Variants in OIT3 observed in about 807,000 individuals in gnomAD.
The protein encoded by OIT3 is oncoprotein-induced transcript 3 protein.
Under a neutral mutation model 52.2 loss-of-function variants are expected in OIT3, and 41 were observed. That is an observed-to-expected ratio of 0.79 (90% CI 0.61 to 1.02). The LOEUF is 1.02. Ranked by LOEUF, OIT3 falls within the 50% of genes least tolerant of loss-of-function variation. OIT3 has a pLI of 0.00. For synonymous variants in OIT3, 244 were observed against 276.9 expected, an observed-to-expected ratio of 0.88 and a Z score of 1.18; for missense variants, 634 against 715.5, an observed-to-expected ratio of 0.89 and a Z score of 1.30.
intron 6 of OIT3, among the ~76,000 whole-genome samples, chr10:72,914,068 G>A (rs957372850): frequency 6.6e-6 from 1 of 152,178 alleles, no homozygotes; most frequent in African/African-American, 2.4e-5. Flanking sequence ...CAAGACAAGT[G>A]GGACTTGGAT....
chr10:72,931,857 T>A (rs1199442586), intron 8 of OIT3, among the ~76,000 whole-genome samples: 2 of 152,222 alleles, frequency 1.3e-5, no homozygotes, highest in East Asian at 1.9e-4. Flanking sequence ...ATCCCAGCTA[T>A]ACCATGGTTA....
At chr10:72,906,407 G>C (rs1478043292) in intron 3 of OIT3, among the ~76,000 whole-genome samples, 189 bp from the exon 4 acceptor site, 1 of 152,190 alleles carries the variant, frequency 6.6e-6, no homozygotes, top group East Asian at 1.9e-4. Context: ...ACTCAGCAAA[G>C]GGCAGATGAA....
At chr10:72,924,141 A>C in intron 6 of OIT3, 88 bp from the exon 7 acceptor site, 1 of 1,158,500 alleles carries the variant, frequency 8.6e-7, no homozygotes, top group African/African-American at 1.5e-5. Context: ...TTTGAGGTAG[A>C]TAGAATGTTA....
chr10:72,894,079 C>T (rs1403850206), intron 1 of OIT3, among the ~76,000 whole-genome samples: 2 of 151,982 alleles, frequency 1.3e-5, no homozygotes, highest in Admixed American at 6.5e-5. Flanking sequence ...ATGGATCTGC[C>T]ATATCCCACA....
chr10:72,898,990 G>C lies in OIT3; in HGVS notation c.388G>C (p.Val130Leu), dbSNP rs749155163. The C allele has an allele frequency of 2.5e-6, 4 of 1,614,028 alleles. No homozygotes were observed. The highest frequency in any genetic ancestry group is 3.4e-6 in the Non-Finnish European group (4 of 1,179,936). ...EVKACPGGYY[V>L]YRLTKPSVCF... The stretch of plus-strand genomic sequence containing the variant: ...CAAGGCTTGCCCTGGAGGCTACTAT[G>C]TGTATCGTCTGACCAAGCCCAGCGT... The change falls in exon 2 of 9, where the codon GTG becomes CTG. Residue 130 changes from valine (V) to leucine (L), a missense_variant. Val to Leu is a conservative substitution (Grantham distance 32). Coordinates refer to ENST00000334011, the MANE Select transcript of OIT3 (RefSeq NM_152635.3).
chr10:72,927,307 T>A (rs1221788439), intron 7 of OIT3, among the ~76,000 whole-genome samples: 2 of 151,956 alleles, frequency 1.3e-5, no homozygotes, highest in African/African-American at 4.8e-5. Flanking sequence ...ACCCAACTGA[T>A]TTTTGTACTT....
chr10:72,896,172 CTT>C (rs1437791932), intron 1 of OIT3, among the ~76,000 whole-genome samples: 6 of 152,116 alleles, frequency 3.9e-5, no homozygotes, highest in Non-Finnish European at 8.8e-5. Flanking sequence ...GAAGGAAAAA[CTT>C]TATAAATAAG....
In OIT3 at chr10:72,930,811, C is replaced by T. The variant is rs564866316; in HGVS notation, c.1467+174C>T. On this transcript the variant is annotated intron_variant, in intron 8 of 8. Transcript: ENST00000334011. ...TTAACCCTTTCATGCATGTCACACCCGCCCTGCCTGCCAAAATAACTGTGC... is the reference window on the plus strand; with the variant it reads ...TTAACCCTTTCATGCATGTCACACCTGCCCTGCCTGCCAAAATAACTGTGC... 7.9e-5 allele frequency among the ~76,000 whole-genome samples: 12 copies of T among 151,984 alleles called. No individual in the cohort carries two copies. In the South Asian group the frequency reaches 8.4e-4, roughly 11 times the overall value.
chr10:72,897,270 C>T (rs1232980258), intron 1 of OIT3, among the ~76,000 whole-genome samples: 3 of 152,214 alleles, frequency 2.0e-5, no homozygotes, highest in East Asian at 1.9e-4. Flanking sequence ...GTGATCCACC[C>T]GCCTCGGCCC....
chr10:72,918,607 G>A (rs577466979), intron 6 of OIT3: 126 of 741,584 alleles, frequency 1.7e-4, no homozygotes, highest in Admixed American at 1.5e-3. Context: ...GAGAACAGCC[G>A]CACAGGACAG....
Position 72,932,834 on chromosome 10 carries a change from G to A in OIT3, c.*310G>A. ...AAATACCTCGTGTATGGTGCAATCA[G>A]ACCACAAAATCAGAAGCTGGGTATA... On this transcript the variant is annotated 3_prime_UTR_variant, in exon 9 of 9. Coordinates refer to ENST00000334011, the MANE Select transcript of OIT3 (RefSeq NM_152635.3). 3.8e-6 allele frequency: 1 copy of A among 260,506 alleles called. No individual in the cohort carries two copies. Among genetic ancestry groups the A allele is most frequent in the Non-Finnish European group, 7.2e-6 (1 of 138,810 alleles). 16.1% of individuals were successfully genotyped at this position (260,506 alleles called of 1,614,324 possible).
chr10:72,900,252 T>C (rs1205615968), intron 2 of OIT3, 125 bp from the exon 3 acceptor site: 2 of 610,958 alleles, frequency 3.3e-6, no homozygotes, highest in East Asian at 5.7e-5. Context: ...AGCCCAGGGG[T>C]TCGAGGCCAG....
At position 72,932,744 on chromosome 10, in the gene OIT3, T is replaced by C; in HGVS notation, c.*220T>C. 1 of 454,222 alleles carries C rather than the reference T, an allele frequency of 2.2e-6. No individual in the cohort carries two copies. Among genetic ancestry groups the C allele is most frequent in the Non-Finnish European group, 3.9e-6 (1 of 259,604 alleles). The allele number at this position is 454,222 out of a possible 1,614,324, so 28.1% of individuals were successfully genotyped here. ...TGGGTGGGGTTTCATCTTTCTAGGGTTGAAAACTAAACTGTCCACCCAGAA... is the reference window on the plus strand; with the variant it reads ...TGGGTGGGGTTTCATCTTTCTAGGGCTGAAAACTAAACTGTCCACCCAGAA... On this transcript the variant is annotated 3_prime_UTR_variant, in exon 9 of 9. Transcript: ENST00000334011.
chr10:72,911,348 T>C (rs1846026633), intron 4 of OIT3, among the ~76,000 whole-genome samples: 1 of 152,174 alleles, frequency 6.6e-6, no homozygotes, highest in African/African-American at 2.4e-5. Flanking sequence ...ACATCAATAA[T>C]GCTCTATAAA....
chr10:72,909,876 C>T (rs1846014908), intron 4 of OIT3, among the ~76,000 whole-genome samples: 1 of 152,104 alleles, frequency 6.6e-6, no homozygotes, highest in South Asian at 2.1e-4. Context: ...GAACTCCTGA[C>T]CTCACACGAT....
intron 1 of OIT3, among the ~76,000 whole-genome samples, chr10:72,897,327 ATGT>A (rs1328029542): frequency 1.3e-5 from 2 of 152,208 alleles, no homozygotes; most frequent in South Asian, 2.1e-4. Context: ...CCTGGCCAAA[ATGT>A]TGTTTTCCAA....
At chr10:72,923,647 C>T (rs973396540) in intron 6 of OIT3, among the ~76,000 whole-genome samples, 1 of 152,242 alleles carries the variant, frequency 6.6e-6, no homozygotes, top group Non-Finnish European at 1.5e-5. Flanking sequence ...AGACCTGTTG[C>T]TGACCTGAAC....
intron 6 of OIT3, among the ~76,000 whole-genome samples, chr10:72,920,532 A>G (rs543618753): frequency 6.6e-6 from 1 of 152,192 alleles, no homozygotes; most frequent in Admixed American, 6.5e-5. Context: ...CGGGTTGTTA[A>G]CTTAAAATCT....
chr10:72,921,669 T>G (rs575420358), intron 6 of OIT3, among the ~76,000 whole-genome samples: 3 of 151,696 alleles, frequency 2.0e-5, no homozygotes, highest in Non-Finnish European at 2.9e-5. Flanking sequence ...TTTCTTTTCT[T>G]TCTTTCTTTT....
Sources: allele counts gnomAD v4.1 joint callset (sites outside exome capture counted in the v4.1 genomes callset), GRCh38; gene constraint gnomAD v4.1.1; transcripts MANE v1.5; gene names NCBI Gene and HGNC (gene_info 2026-07-23, HGNC 2026-07-21).